The following ARMC6 variants were observed in gnomAD, a reference collection of about 807,000 sequenced individuals.
ARMC6 encodes armadillo repeat-containing protein 6.
A neutral mutation model predicts 49.2 loss-of-function variants in ARMC6; 43 were observed. The observed-to-expected ratio is 0.87, with a 90% CI of 0.69 to 1.13. ARMC6 has a LOEUF of 1.13. Ranked by LOEUF, ARMC6 falls within the 50% of genes most tolerant of loss-of-function variation. The probability of loss-of-function intolerance (pLI) is 0.00; values close to 1 mark genes in which losing one functional copy is unlikely to be tolerated. For synonymous variants in ARMC6, 262 were observed against 289.6 expected (o/e 0.90, Z 0.97); for missense variants, 627 against 682.0 (o/e 0.92, Z 0.90).
intron 4 of ARMC6, among the ~76,000 whole-genome samples, chr19:19,049,091 CT>C (rs1286400977): frequency 7.3e-6 from 1 of 136,270 alleles, no homozygotes; most frequent in Non-Finnish European, 1.6e-5. Context: ...GAGACAGGGT[CT>C]CCCCAGCTAG....
intron 2 of ARMC6, among the ~76,000 whole-genome samples, chr19:19,037,224 A>T (rs1172710109): frequency 1.3e-5 from 2 of 151,424 alleles, no homozygotes; most frequent in African/African-American, 4.8e-5. Flanking sequence ...AGGGCATGGG[A>T]ACTGGGTTCT....
chr19:19,050,655 GTTTT>G (rs2059488561), intron 4 of ARMC6, among the ~76,000 whole-genome samples: 1 of 152,096 alleles, frequency 6.6e-6, no homozygotes, highest in African/African-American at 2.4e-5. Flanking sequence ...AATTTTTGTT[GTTTT>G]TTGTTTTTCA....
intron 4 of ARMC6, among the ~76,000 whole-genome samples, chr19:19,047,676 T>G (rs1421956679): frequency 6.6e-6 from 1 of 152,204 alleles, no homozygotes; most frequent in Non-Finnish European, 1.5e-5. Flanking sequence ...CATCTGTCAA[T>G]GAAAATACTC....
At chr19:19,056,044 C>T in intron 8 of ARMC6, 116 bp downstream of exon 8, 1 of 1,181,392 alleles carries the variant, frequency 8.5e-7, no homozygotes, top group Non-Finnish European at 1.1e-6. Context: ...AGGCTCAGTC[C>T]CTATCCCTAT....
intron 2 of ARMC6, 59 bp downstream of exon 2, chr19:19,034,297 C>A: frequency 1.3e-6 from 2 of 1,568,360 alleles, no homozygotes; most frequent in Non-Finnish European, 1.7e-6. Context: ...TGCTCTTTAT[C>A]TAGAAGTGGT....
intron 2 of ARMC6, among the ~76,000 whole-genome samples, chr19:19,038,734 T>G (rs1192179272): frequency 6.6e-6 from 1 of 151,708 alleles, no homozygotes; most frequent in East Asian, 1.9e-4. Flanking sequence ...CCCCACTAAT[T>G]TTTGTATATT....
chr19:19,041,034 A>G (rs2059408142), intron 2 of ARMC6, among the ~76,000 whole-genome samples: 1 of 151,762 alleles, frequency 6.6e-6, no homozygotes, highest in African/African-American at 2.4e-5. Context: ...GGGCCTCCCC[A>G]TGTTGTCCAG....
intron 2 of ARMC6, 94 bp downstream of exon 2, chr19:19,034,332 G>T: frequency 6.9e-7 from 1 of 1,456,964 alleles, no homozygotes; most frequent in South Asian, 1.2e-5. Context: ...CTTGAGTGCT[G>T]GGAAGGATGA....
At chr19:19,053,384 G>A (rs1182255398) in intron 5 of ARMC6, among the ~76,000 whole-genome samples, 1 of 152,118 alleles carries the variant, frequency 6.6e-6, no homozygotes, top group Admixed American at 6.5e-5. Flanking sequence ...TTACTTGAGA[G>A]GCTGAGGCAC....
At chr19:19,041,109 C>T (rs1246041005) in intron 2 of ARMC6, among the ~76,000 whole-genome samples, 4 of 152,104 alleles carry the variant, frequency 2.6e-5, no homozygotes, top group African/African-American at 9.7e-5. Context: ...GCTGGGATTA[C>T]AGGAGTGAGC....
intron 5 of ARMC6, among the ~76,000 whole-genome samples, chr19:19,052,524 G>A (rs991664739): frequency 2.6e-5 from 4 of 152,032 alleles, no homozygotes; most frequent in Admixed American, 6.6e-5. Flanking sequence ...AAGAGGACTC[G>A]GGGGGGCTGG....
chr19:19,037,230 G>C (rs1047742142), intron 2 of ARMC6, among the ~76,000 whole-genome samples: 3 of 152,046 alleles, frequency 2.0e-5, no homozygotes, highest in African/African-American at 7.2e-5. Context: ...TGGGAACTGG[G>C]TTCTGCAGGC....
rs757422461 is a variant in ARMC6, at chr19:19,033,878, C to T, written c.-132C>T. On this transcript the variant is annotated 5_prime_UTR_variant, in exon 1 of 9. Transcript: ENST00000535612. Reference sequence around the variant, plus strand: ...CGGCCGGAAGGGGCTAGAGGCGGCTCCCTGGGTGACAACCGCGCGCCCCAC... The same window carrying T: ...CGGCCGGAAGGGGCTAGAGGCGGCTTCCTGGGTGACAACCGCGCGCCCCAC... 4.3e-5 allele frequency: 16 copies of T among 373,524 alleles called. No homozygotes were observed. The highest frequency in any genetic ancestry group is 6.8e-5 in the Non-Finnish European group (14 of 204,666). The allele number at this position is 373,524 out of a possible 1,614,324, so 23.1% of individuals were successfully genotyped here.
At chr19:19,035,327 A>G (rs2059352188) in intron 2 of ARMC6, among the ~76,000 whole-genome samples, 1 of 152,226 alleles carries the variant, frequency 6.6e-6, no homozygotes, top group Non-Finnish European at 1.5e-5. Flanking sequence ...CTTGATGAGC[A>G]GATTCCTGGC....
Position 19,057,765 on chromosome 19 carries a change from A to C in ARMC6, c.*137A>C, listed in dbSNP as rs1489106161. ...GTGTTTTCTGGCAGGCCCTAGGTAA[A>C]GGGTCGGGGGAGGGGGGAGCCTTGT... On this transcript the variant is annotated 3_prime_UTR_variant, in exon 9 of 9. Coordinates refer to ENST00000535612, the MANE Select transcript of ARMC6 (RefSeq NM_001199196.2). 214 of 425,812 alleles carry C rather than the reference A, an allele frequency of 5.0e-4. No homozygotes were observed. The highest frequency in any genetic ancestry group is 1.8e-3 in the East Asian group (27 of 14,924). 26.4% of individuals were successfully genotyped at this position (425,812 alleles called of 1,614,324 possible).
Position 19,052,209 on chromosome 19 carries a change from G to T in ARMC6, c.853+14G>T. ...AAGCCACCAAAGGTAAGAGCTGGGG[G>T]CCGACACGAGCCAGCGAACAAAGTG... On this transcript the variant is annotated intron_variant, in intron 5 of 8. Transcript: ENST00000535612. 6.4e-7 allele frequency: 1 copy of T among 1,565,764 alleles called. No individual in the cohort carries two copies. The highest frequency in any genetic ancestry group is 8.6e-7 in the Non-Finnish European group (1 of 1,157,202).
intron 4 of ARMC6, among the ~76,000 whole-genome samples, chr19:19,047,738 C>T (rs1400100335): frequency 1.3e-5 from 2 of 152,162 alleles, no homozygotes; most frequent in African/African-American, 4.8e-5. Context: ...TGACCAAAGG[C>T]CCATGACACA....
intron 2 of ARMC6, among the ~76,000 whole-genome samples, chr19:19,034,757 T>C (rs531409496): frequency 6.7e-6 from 1 of 150,304 alleles, no homozygotes; most frequent in South Asian, 2.1e-4. Flanking sequence ...CCTGGCTAAA[T>C]TTTGTATTTT....
intron 4 of ARMC6, among the ~76,000 whole-genome samples, chr19:19,049,374 A>C (rs1371152833): frequency 1.3e-5 from 2 of 152,014 alleles, no homozygotes; most frequent in Non-Finnish European, 2.9e-5. Context: ...TTTTTAGTTT[A>C]CACATCCTTG....
Sources: allele counts gnomAD v4.1 joint callset (sites outside exome capture counted in the v4.1 genomes callset), GRCh38; gene constraint gnomAD v4.1.1; transcripts MANE v1.5; gene names NCBI Gene and HGNC (gene_info 2026-07-23, HGNC 2026-07-21).